PTPRD: variants seen among roughly 807,000 people sequenced by gnomAD.
The protein encoded by PTPRD is receptor-type tyrosine-protein phosphatase delta.
PTPRD carries 34 observed loss-of-function variants against 214.5 expected under a neutral mutation model. That is an observed-to-expected ratio of 0.16 (90% CI 0.12 to 0.21). PTPRD has a LOEUF of 0.21. PTPRD is among the 10% of genes least tolerant of loss of function. The pLI, the probability that PTPRD is intolerant of heterozygous loss-of-function variation, is 1.00. For synonymous variants in PTPRD, 1,128 were observed against 845.7 expected (o/e 1.33, Z -5.79); for missense variants, 2,545 against 2,398.7 (o/e 1.06, Z -1.27).
At chr9:9,770,556 A>C (rs978100692) in intron 5 of PTPRD, among the ~76,000 whole-genome samples, 6 of 152,166 alleles carry the variant, frequency 3.9e-5, no homozygotes, top group African/African-American at 1.4e-4. Flanking sequence ...AATGTAATCT[A>C]AAGTGAAATT....
At chr9:9,133,698 G>C (rs1022938620) in intron 10 of PTPRD, among the ~76,000 whole-genome samples, 9 of 152,198 alleles carry the variant, frequency 5.9e-5, no homozygotes, top group Non-Finnish European at 2.9e-5. Context: ...AACAATCGCA[G>C]TCATGTATGG....
At chr9:9,503,555 C>T (rs998669660) in intron 8 of PTPRD, among the ~76,000 whole-genome samples, 1 of 151,612 alleles carries the variant, frequency 6.6e-6, no homozygotes, top group African/African-American at 2.4e-5. Context: ...ACCATTTCTG[C>T]CACAATGATC....
intron 9 of PTPRD, 88 bp downstream of exon 9, chr9:9,397,361 C>A (rs1398745272): frequency 6.6e-6 from 1 of 152,266 alleles, no homozygotes; most frequent in Non-Finnish European, 1.5e-5. Flanking sequence ...AGAATTTTAA[C>A]CAAAGGTTTT....
At chr9:9,680,809 G>A (rs536092828) in intron 7 of PTPRD, among the ~76,000 whole-genome samples, 43 of 151,780 alleles carry the variant, frequency 2.8e-4, no homozygotes, top group African/African-American at 9.9e-4. Context: ...CTGATTAACT[G>A]CCTGCCAGCT....
intron 4 of PTPRD, among the ~76,000 whole-genome samples, chr9:9,943,163 A>G (rs961608383): frequency 6.6e-6 from 1 of 152,110 alleles, no homozygotes; most frequent in African/African-American, 2.4e-5. Context: ...ATCTGTTTTA[A>G]CCCTTAAAGA....
At chr9:8,678,541 C>T (rs2097484214) in intron 12 of PTPRD, among the ~76,000 whole-genome samples, 1 of 152,152 alleles carries the variant, frequency 6.6e-6, no homozygotes, top group Admixed American at 6.5e-5. Context: ...GGGCAAAAGA[C>T]AGTCCTGCCA....
intron 5 of PTPRD, among the ~76,000 whole-genome samples, chr9:9,827,719 A>C (rs10978016): frequency 0.1 from 15,130 of 151,932 alleles, 2,248 homozygotes; most frequent in East Asian, 0.74. Context: ...AATGAACAGA[A>C]AACCTACAGA....
Position 8,733,881 on chromosome 9 carries a change from ATCACT to A in PTPRD, c.-43_-39del, listed in dbSNP as rs752513964. On this transcript the variant is annotated 5_prime_UTR_variant, in exon 12 of 46. Transcript: ENST00000381196. ...CAGCAGCGTGCGCGAGCAGCTTGGA[ATCACT>A]GCCTCCGGAGCCGCAGCGAGTCTGT... 4 of 1,546,382 alleles carry A rather than the reference ATCACT, an allele frequency of 2.6e-6. No individual in the cohort carries two copies. The South Asian group carries it at 4.8e-5, about 18-fold the overall frequency.
At chr9:10,497,071 C>A (rs182636009) in intron 2 of PTPRD, among the ~76,000 whole-genome samples, 224 of 151,938 alleles carry the variant, frequency 1.5e-3, no homozygotes, top group Middle Eastern at 6.8e-3. Flanking sequence ...ACCTTATGTT[C>A]TTACTTATAA....
At chr9:8,581,909 T>C (rs1208202558) in intron 14 of PTPRD, among the ~76,000 whole-genome samples, 1 of 23,156 alleles carries the variant, frequency 4.3e-5, no homozygotes, top group African/African-American at 2.2e-4. Context: ...CATGACTCAA[T>C]CTCCAAAAAA....
intron 9 of PTPRD, among the ~76,000 whole-genome samples, chr9:9,223,024 T>G (rs1434208015): frequency 6.6e-6 from 1 of 152,050 alleles, no homozygotes; most frequent in Non-Finnish European, 1.5e-5. Context: ...ATATTTTTGG[T>G]TTGTGTGTTT....
chr9:8,780,456 G>T (rs2095650620), intron 11 of PTPRD, among the ~76,000 whole-genome samples: 1 of 152,212 alleles, frequency 6.6e-6, no homozygotes, highest in African/African-American at 2.4e-5. Context: ...AGCCTCCTGA[G>T]TGTTTGAGAC....
chr9:9,547,527 G>A (rs540486566), intron 8 of PTPRD, among the ~76,000 whole-genome samples: 1 of 152,072 alleles, frequency 6.6e-6, no homozygotes, highest in East Asian at 1.9e-4. Flanking sequence ...ACTTTCAACT[G>A]TTTGAGGACT....
At chr9:10,595,029 T>G (rs2076303411) in intron 2 of PTPRD, among the ~76,000 whole-genome samples, 1 of 147,538 alleles carries the variant, frequency 6.8e-6, no homozygotes, top group South Asian at 2.2e-4. Context: ...CAAATAACTA[T>G]TTATAGGCGA....
At position 9,631,245 on chromosome 9, in the gene PTPRD, A is replaced by AT. The variant is rs1161572750; in HGVS notation, c.-286-56465_-286-56464insA. ...AATAAAAAGAAAAAGAAAAAAAAAA[A>AT]AGAAAGAGTGAGCTCTGGGTGGAGT... On this transcript the variant is annotated intron_variant, in intron 7 of 45. Coordinates refer to ENST00000381196, the MANE Select transcript of PTPRD (RefSeq NM_002839.4). Among the ~76,000 whole-genome samples the AT allele has an allele frequency of 1.1e-4, 16 of 151,748 alleles. 1 individual carries two copies. In the East Asian group the frequency reaches 2.9e-3, roughly 27 times the overall value.
At chr9:9,245,608 A>G (rs900416297) in intron 9 of PTPRD, among the ~76,000 whole-genome samples, 3 of 144,898 alleles carry the variant, frequency 2.1e-5, no homozygotes, top group African/African-American at 5.1e-5. Flanking sequence ...ATCACACACC[A>G]GGGCCTGTTG....
At chr9:9,119,893 T>C (rs1483661250) in intron 10 of PTPRD, among the ~76,000 whole-genome samples, 1 of 152,028 alleles carries the variant, frequency 6.6e-6, no homozygotes, top group Non-Finnish European at 1.5e-5. Flanking sequence ...GTATTGTACT[T>C]GGGAGATGGA....
chr9:8,764,633 T>G (rs538399758), intron 11 of PTPRD, among the ~76,000 whole-genome samples: 46 of 151,994 alleles, frequency 3.0e-4, no homozygotes, highest in Non-Finnish European at 5.0e-4. Context: ...CCATCTCTAC[T>G]AAAATACGAA....
chr9:10,086,909 A>G (rs2098348622), intron 3 of PTPRD, among the ~76,000 whole-genome samples: 1 of 151,798 alleles, frequency 6.6e-6, no homozygotes, highest in Non-Finnish European at 1.5e-5. Flanking sequence ...ATGAATTAAT[A>G]CACATAAAAA....
Sources: allele counts gnomAD v4.1 joint callset (sites outside exome capture counted in the v4.1 genomes callset), GRCh38; gene constraint gnomAD v4.1.1; transcripts MANE v1.5; gene names NCBI Gene and HGNC (gene_info 2026-07-23, HGNC 2026-07-21).